Variants in DDX31 observed in about 807,000 individuals in gnomAD.
DDX31 encodes the protein DEAD-box helicase 31, also known as ATP-dependent DNA helicase DDX31.
A neutral mutation model predicts 91.3 loss-of-function variants in DDX31; 70 were observed. The ratio of observed to expected loss-of-function variants is 0.77; its 90% confidence interval spans 0.63 to 0.94. The LOEUF (loss-of-function observed/expected upper bound fraction) is 0.94, where lower values mean the gene tolerates loss of function less well. Among genes scored for constraint, DDX31 ranks in the 40% least tolerant of loss-of-function variants. The pLI is 0.00. For synonymous variants in DDX31, 362 were observed against 350.6 expected (o/e 1.03, Z -0.36); for missense variants, 902 against 925.0 (o/e 0.98, Z 0.32).
At chr9:132,622,476 C>T (rs925270371) in intron 17 of DDX31, among the ~76,000 whole-genome samples, 3 of 152,212 alleles carry the variant, frequency 2.0e-5, no homozygotes, top group African/African-American at 7.2e-5. Context: ...TCCGCTCCTT[C>T]TCTGGGGACG....
At chr9:132,597,301 G>A (rs902622904) in intron 19 of DDX31, among the ~76,000 whole-genome samples, 5 of 152,166 alleles carry the variant, frequency 3.3e-5, no homozygotes, top group Non-Finnish European at 5.9e-5. Context: ...GGGAAGTGGC[G>A]GGAGACAGGG....
intron 19 of DDX31, among the ~76,000 whole-genome samples, chr9:132,602,125 T>G (rs1350364458): frequency 6.6e-6 from 1 of 152,136 alleles, no homozygotes; most frequent in Non-Finnish European, 1.5e-5. Flanking sequence ...ACAATGGAAA[T>G]AAGACCAAAG....
At position 132,648,193 on chromosome 9, in the gene DDX31, T is replaced by C; in HGVS notation, c.963A>G (p.Thr321=). The change falls in exon 11 of 20, where the codon ACA becomes ACG. Residue 321 remains threonine, a synonymous_variant. Coordinates refer to ENST00000372159, the MANE Select transcript of DDX31 (RefSeq NM_022779.9). ...RQNVLLSATL[T]EGVTRLADIS... ...CATCACTTCTTTTCAACTCACCTTCTGTGAGTGTCGCTGATAGCAAGACAT... is the reference window on the plus strand; with the variant it reads ...CATCACTTCTTTTCAACTCACCTTCCGTGAGTGTCGCTGATAGCAAGACAT... 6.2e-7 allele frequency: 1 copy of C among 1,611,446 alleles called. No individual in the cohort carries two copies. The highest frequency in any genetic ancestry group is 1.1e-5 in the South Asian group (1 of 90,690).
At chr9:132,655,893 A>C (rs1157200198) in intron 6 of DDX31, among the ~76,000 whole-genome samples, 1 of 152,222 alleles carries the variant, frequency 6.6e-6, no homozygotes, top group East Asian at 1.9e-4. Context: ...AATTCAAACC[A>C]GAGTTGTCTG....
At chr9:132,662,840 T>G (rs1835066174) in intron 1 of DDX31, 145 bp from the exon 2 acceptor site, 9 of 1,179,760 alleles carry the variant, frequency 7.6e-6, no homozygotes, top group Non-Finnish European at 7.0e-6. Context: ...AGTTTAGGGT[T>G]TGCAATCAGA....
chr9:132,612,262 GAA>G lies in DDX31; in HGVS notation c.1826-9_1826-8del. The G allele has an allele frequency of 6.2e-7, 1 of 1,614,170 alleles. No homozygotes were observed. Among genetic ancestry groups the G allele is most frequent in the African/African-American group, 1.3e-5 (1 of 75,058 alleles). On this transcript the variant is annotated splice_polypyrimidine_tract_variant and splice_region_variant and intron_variant, in intron 18 of 19. Coordinates refer to ENST00000372159, the MANE Select transcript of DDX31 (RefSeq NM_022779.9). The stretch of plus-strand genomic sequence containing the variant: ...TGGATGAAGGACTGCAGAGCTGAAA[GAA>G]AAGAGAGCGGGGAGGGAAGCTGTCA...
At chr9:132,615,917 A>T (rs951676511) in intron 18 of DDX31, among the ~76,000 whole-genome samples, 4 of 152,262 alleles carry the variant, frequency 2.6e-5, no homozygotes, top group Non-Finnish European at 5.9e-5. Context: ...GTTTTCTGCC[A>T]TCAAGGCAAA....
At chr9:132,602,327 G>C (rs1830762647) in intron 19 of DDX31, among the ~76,000 whole-genome samples, 1 of 152,224 alleles carries the variant, frequency 6.6e-6, no homozygotes, top group Non-Finnish European at 1.5e-5. Context: ...CAGACTCAGG[G>C]AAGACTCTAT....
At chr9:132,651,384 A>G (rs1396353837) in intron 7 of DDX31, among the ~76,000 whole-genome samples, 2 of 152,252 alleles carry the variant, frequency 1.3e-5, no homozygotes, top group African/African-American at 4.8e-5. Flanking sequence ...TCAAATTCCC[A>G]GAGTGCCACA....
chr9:132,642,733 A>G (rs1168263277), intron 13 of DDX31, among the ~76,000 whole-genome samples: 1 of 152,146 alleles, frequency 6.6e-6, no homozygotes, highest in Non-Finnish European at 1.5e-5. Context: ...ATAAGTATCC[A>G]AAGACCAGGT....
At chr9:132,597,934 A>G (rs1830527555) in intron 19 of DDX31, among the ~76,000 whole-genome samples, 1 of 152,162 alleles carries the variant, frequency 6.6e-6, no homozygotes, top group African/African-American at 2.4e-5. Flanking sequence ...CCTTTTGGAG[A>G]TGGGTCCTAC....
rs147570311 is a variant in DDX31, at chr9:132,624,378, C to T, written c.1713+1286G>A. ...TGACTTGCTTAAAGTAACCTGATGACCAATGGAGTCTTTAACAGCTTTTAT... is the reference window on the plus strand; with the variant it reads ...TGACTTGCTTAAAGTAACCTGATGATCAATGGAGTCTTTAACAGCTTTTAT... On this transcript the variant is annotated intron_variant, in intron 17 of 19. Transcript: ENST00000372159. Among the ~76,000 whole-genome samples, 348 of 152,154 alleles carry T rather than the reference C, an allele frequency of 2.3e-3. 1 individual carries two copies. The highest frequency in any genetic ancestry group is 4.0e-3 in the Non-Finnish European group (270 of 67,992).
intron 14 of DDX31, among the ~76,000 whole-genome samples, chr9:132,639,266 C>G (rs1833331973): frequency 6.6e-6 from 1 of 152,096 alleles, no homozygotes; most frequent in African/African-American, 2.4e-5. Context: ...GAAGAACTTC[C>G]CACGACTGGG....
intron 1 of DDX31, 39 bp from the exon 2 acceptor site, chr9:132,662,734 A>G: frequency 6.2e-7 from 1 of 1,611,970 alleles, no homozygotes; most frequent in Non-Finnish European, 8.5e-7. Flanking sequence ...CAAGAGATGC[A>G]TTAGTCCATG....
chr9:132,654,871 G>A (rs143346767), intron 6 of DDX31, among the ~76,000 whole-genome samples: 1,882 of 148,264 alleles, frequency 0.013, 35 homozygotes, highest in African/African-American at 0.043. Context: ...GCTTGAATCC[G>A]GGAGGTGGAG....
intron 14 of DDX31, among the ~76,000 whole-genome samples, chr9:132,635,919 G>A (rs112223651): frequency 0.016 from 2,459 of 151,892 alleles, 30 homozygotes; most frequent in Non-Finnish European, 0.026. Context: ...ACTCCAGCCT[G>A]GGCAACAAGA....
chr9:132,657,014 C>A (rs1322324049), intron 6 of DDX31, among the ~76,000 whole-genome samples: 1 of 152,184 alleles, frequency 6.6e-6, no homozygotes, highest in Non-Finnish European at 1.5e-5. Context: ...TAACAGTTTG[C>A]TAAGAATTAT....
intron 10 of DDX31, 32 bp from the exon 11 acceptor site, chr9:132,648,327 A>G (rs1833963036): frequency 6.2e-7 from 1 of 1,604,948 alleles, no homozygotes; most frequent in South Asian, 1.1e-5. Flanking sequence ...GAAATTTTCA[A>G]CTATATGAAG....
chr9:132,632,723 C>T (rs1196174264), intron 14 of DDX31, among the ~76,000 whole-genome samples: 1 of 152,118 alleles, frequency 6.6e-6, no homozygotes, highest in African/African-American at 2.4e-5. Context: ...AACCCCCTAC[C>T]CCCATCTCTT....
Sources: allele counts gnomAD v4.1 joint callset (sites outside exome capture counted in the v4.1 genomes callset), GRCh38; gene constraint gnomAD v4.1.1; transcripts MANE v1.5; gene names NCBI Gene and HGNC (gene_info 2026-07-23, HGNC 2026-07-21).